Variants in ATG4C observed in about 807,000 individuals in gnomAD.
ATG4C encodes cysteine protease ATG4C.
In ATG4C, 56 loss-of-function variants were observed where a neutral mutation model predicts 57.6. The ratio of observed to expected loss-of-function variants is 0.97; its 90% CI spans 0.78 to 1.21. The LOEUF is 1.21. Among genes scored for constraint, ATG4C ranks in the 50% most tolerant of loss-of-function variants. The probability of loss-of-function intolerance (pLI) is 0.00; values close to 1 mark genes in which losing one functional copy is unlikely to be tolerated. For synonymous variants in ATG4C, 157 were observed against 174.1 expected, an observed-to-expected ratio of 0.90 and a Z score of 0.78; for missense variants, 595 against 529.8, an observed-to-expected ratio of 1.12 and a Z score of -1.21.
rs527632063 is a variant in ATG4C at position 62,839,458 on chromosome 1, T to G, written c.1090-1970T>G. On this transcript the variant is annotated intron_variant, in intron 9 of 10. Coordinates refer to ENST00000317868, the MANE Select transcript of ATG4C (RefSeq NM_032852.4). The stretch of plus-strand genomic sequence containing the variant: ...CCATGTACAAGCTTTTGGCCCTCCT[T>G]CTTATCCCCAACTGGTAAAAAAGTT... Among the ~76,000 whole-genome samples the G allele has an allele frequency of 5.8e-4, 88 of 152,342 alleles. 1 individual carries two copies. The highest frequency in any genetic ancestry group is 2.1e-3 in the African/African-American group (87 of 41,584).
At chr1:62,795,960 G>T (rs867453207) in intron 1 of ATG4C, among the ~76,000 whole-genome samples, 8 of 152,060 alleles carry the variant, frequency 5.3e-5, no homozygotes, top group Non-Finnish European at 1.0e-4. Context: ...TCCAGACTGA[G>T]AATCTAATGA....
In ATG4C at chr1:62,861,915, G is replaced by A. The variant is rs144348397; in HGVS notation, c.1210-2077G>A. ...CATCCATTATGGAAGGACTTTTAAG[G>A]TTTTGACAATGTAGCCATTCTTGTA... On this transcript the variant is annotated intron_variant, in intron 10 of 10. Transcript: ENST00000317868. Among the ~76,000 whole-genome samples, 1,164 of 152,070 alleles carry A rather than the reference G, an allele frequency of 7.7e-3. 30 individuals are homozygous for A. The highest frequency in any genetic ancestry group is 0.026 in the African/African-American group (1,086 of 41,488).
intron 10 of ATG4C, among the ~76,000 whole-genome samples, chr1:62,844,963 T>A (rs1666285140): frequency 6.6e-6 from 1 of 152,170 alleles, no homozygotes; most frequent in Non-Finnish European, 1.5e-5. Context: ...ACACTCTTTT[T>A]ATTTAAACTT....
intron 1 of ATG4C, among the ~76,000 whole-genome samples, chr1:62,793,263 G>C (rs1398418765): frequency 6.6e-6 from 1 of 151,924 alleles, no homozygotes; most frequent in Non-Finnish European, 1.5e-5. Flanking sequence ...GATTAGGAAG[G>C]ATTAATGATA....
chr1:62,838,734 C>G (rs545360063), intron 9 of ATG4C, among the ~76,000 whole-genome samples: 30 of 151,124 alleles, frequency 2.0e-4, no homozygotes, highest in African/African-American at 7.3e-4. Flanking sequence ...GAGCAGAGAT[C>G]GCACCACTGC....
In ATG4C at chr1:62,864,879, G is replaced by A. The variant is rs903541585; in HGVS notation, c.*720G>A. ...CAACTATAAAATAGTAGTAGTGTTT[G>A]TTTCCTATCTCAAGGGCGAAATTTT... On this transcript the variant is annotated 3_prime_UTR_variant, in exon 11 of 11. Transcript: ENST00000317868. The A allele has an allele frequency of 6.6e-6, 1 of 151,800 alleles. No individual in the cohort carries two copies. The highest frequency in any genetic ancestry group is 2.4e-5 in the African/African-American group (1 of 41,402). The allele number at this position is 151,800 out of a possible 1,614,324, so 9.4% of individuals were successfully genotyped here.
rs6693033 is a variant in ATG4C at position 62,849,401 on chromosome 1, G to C, written c.1209+7854G>C. On this transcript the variant is annotated intron_variant, in intron 10 of 10. Coordinates refer to ENST00000317868, the MANE Select transcript of ATG4C (RefSeq NM_032852.4). ...AAAGATATTTATTCCATTATCTCTG[G>C]CTTCTTTAATTTCTTAATAGACTTT... Among the ~76,000 whole-genome samples the C allele has an allele frequency of 5.2e-3, 786 of 152,002 alleles. 4 individuals carry two copies. Among genetic ancestry groups the C allele is most frequent in the Middle Eastern group, 0.031 (9 of 294 alleles).
intron 3 of ATG4C, among the ~76,000 whole-genome samples, chr1:62,813,308 C>T (rs1665150514): frequency 6.6e-6 from 1 of 152,102 alleles, no homozygotes; most frequent in Non-Finnish European, 1.5e-5. Flanking sequence ...CATCTACAAC[C>T]ATCTGATCCT....
At position 62,829,700 on chromosome 1, in the gene ATG4C, C is replaced by T. The variant is rs771234708; in HGVS notation, c.933+524C>T. On this transcript the variant is annotated intron_variant, in intron 7 of 10. Transcript: ENST00000317868. ...TTTTTCATCTTAACCAGTTAAAAAT[C>T]GGTTCTTTCTTGGAGCACATTGTTT... 7.2e-5 allele frequency among the ~76,000 whole-genome samples: 11 copies of T among 151,936 alleles called. No homozygotes were observed. In the South Asian group the frequency reaches 1.5e-3, roughly 20 times the overall value.
chr1:62,844,034 T>C (rs948378999), intron 10 of ATG4C, among the ~76,000 whole-genome samples: 1 of 152,176 alleles, frequency 6.6e-6, no homozygotes, highest in Non-Finnish European at 1.5e-5. Flanking sequence ...AGAAGGTTAC[T>C]TCAAGCTGAG....
intron 10 of ATG4C, among the ~76,000 whole-genome samples, chr1:62,853,544 T>C (rs1666585616): frequency 6.6e-6 from 1 of 152,172 alleles, no homozygotes; most frequent in East Asian, 1.9e-4. Context: ...CCTCGTGGTC[T>C]CAAGCAATCC....
At chr1:62,808,304 C>T (rs1664945938) in intron 3 of ATG4C, among the ~76,000 whole-genome samples, 1 of 152,096 alleles carries the variant, frequency 6.6e-6, no homozygotes, top group South Asian at 2.1e-4. Flanking sequence ...TAAATATCTC[C>T]ATCTTGGATG....
chr1:62,830,943 T>C (rs1425880137), intron 7 of ATG4C, among the ~76,000 whole-genome samples: 2 of 152,188 alleles, frequency 1.3e-5, no homozygotes, highest in East Asian at 3.9e-4. Context: ...GGATTGTCTT[T>C]ATGAAACAGA....
At position 62,805,219 on chromosome 1, in the gene ATG4C, T is replaced by C. The variant is rs1298995405; in HGVS notation, c.124T>C (p.Leu42=). The change falls in exon 3 of 11, where the codon TTA becomes CTA. Residue 42 remains leucine, a synonymous_variant. Coordinates refer to ENST00000317868, the MANE Select transcript of ATG4C (RefSeq NM_032852.4). ...KTYFSRNSPV[L]LLGKCYHFKY... is the part of the protein sequence containing the mutation. ...GTATTTTAGTAGAAATTCTCCTGTA[T>C]TATTGCTTGGAAAATGTTACCATTT... 6.6e-7 allele frequency: 1 copy of C among 1,521,980 alleles called. No homozygotes were observed. Among genetic ancestry groups the C allele is most frequent in the Non-Finnish European group, 8.7e-7 (1 of 1,144,884 alleles). The allele number at this position is 1,521,980 out of a possible 1,614,324, so 94.3% of individuals were successfully genotyped here.
chr1:62,823,163 T>C (rs567759901), intron 6 of ATG4C, among the ~76,000 whole-genome samples: 1 of 152,236 alleles, frequency 6.6e-6, no homozygotes, highest in African/African-American at 2.4e-5. Context: ...TCAAAAAACA[T>C]TTCTAACCCT....
rs559139297 is a variant in ATG4C at position 62,853,717 on chromosome 1, A to G, written c.1210-10275A>G. ...TGCCTCAGCTTCTCAAAGTGCTGGGATTACAGGCATGAGCCACTGTACCCG... is the reference window on the plus strand; with the variant it reads ...TGCCTCAGCTTCTCAAAGTGCTGGGGTTACAGGCATGAGCCACTGTACCCG... On this transcript the variant is annotated intron_variant, in intron 10 of 10. Transcript: ENST00000317868. Among the ~76,000 whole-genome samples the G allele has an allele frequency of 4.6e-5, 7 of 152,320 alleles. No homozygotes were observed. The East Asian group carries it at 1.3e-3, about 29-fold the overall frequency.
At chr1:62,863,953 T>C (rs887949461) in intron 10 of ATG4C, 39 bp from the exon 11 acceptor site, 7 of 1,426,962 alleles carry the variant, frequency 4.9e-6, no homozygotes, top group African/African-American at 1.4e-5. Context: ...TGTGCACTAT[T>C]GCATCCAATA....
At chr1:62,818,880 T>C (rs1038708599) in intron 4 of ATG4C, 125 bp from the exon 5 acceptor site, 3 of 712,230 alleles carry the variant, frequency 4.2e-6, no homozygotes, top group Non-Finnish European at 6.6e-6. Context: ...TTCCATGTAT[T>C]TACCTATTTT....
rs1666974170 is a variant in ATG4C at position 62,865,462 on chromosome 1, C to T, written c.*1303C>T. 1 of 151,870 alleles carries T rather than the reference C, an allele frequency of 6.6e-6. No individual in the cohort carries two copies. The highest frequency in any genetic ancestry group is 2.1e-4 in the South Asian group (1 of 4,822). The allele number at this position is 151,870 out of a possible 1,614,324, so 9.4% of individuals were successfully genotyped here. ...ACCTGATGAGAAAAATCAGGTTTGA[C>T]ATTTCTCAGTGAAGATTACTTACTG... On this transcript the variant is annotated 3_prime_UTR_variant, in exon 11 of 11. Transcript: ENST00000317868.
Sources: gnomAD v4.1 joint callset for allele counts (sites outside exome capture counted in the v4.1 genomes callset) on GRCh38, gnomAD v4.1.1 for gene constraint, MANE v1.5 for transcripts, NCBI Gene and HGNC (gene_info 2026-07-23, HGNC 2026-07-21) for gene names.